RBM25: variants seen among roughly 807,000 people sequenced by gnomAD.
The protein encoded by RBM25 is RNA-binding protein 25.
RBM25 carries 19 observed loss-of-function variants against 120.7 expected under a neutral mutation model. The ratio of observed to expected loss-of-function variants is 0.16; its 90% CI spans 0.11 to 0.23. The LOEUF (loss-of-function observed/expected upper bound fraction) is 0.23, where lower values mean the gene tolerates loss of function less well. Ranked by LOEUF, RBM25 falls within the 10% of genes least tolerant of loss-of-function variation. The probability of loss-of-function intolerance (pLI) is 1.00; values close to 1 mark genes in which losing one functional copy is unlikely to be tolerated. For missense variants in RBM25, 605 were observed against 1,041.5 expected (o/e 0.58, Z 5.77); for synonymous variants, 390 against 326.7 (o/e 1.19, Z -2.09).
At chr14:73,116,232 A>G (rs1479826807) in intron 18 of RBM25, among the ~76,000 whole-genome samples, 3 of 152,194 alleles carry the variant, frequency 2.0e-5, no homozygotes, top group African/African-American at 7.2e-5. Flanking sequence ...GTTGATGTGT[A>G]GTATAAAATG....
chr14:73,097,184 CTTTTTTCTTTTCTTTTTT>C lies in RBM25; in HGVS notation c.729+91_729+108del, dbSNP rs1273635941. ...TATACTTTGATTACATGTCAGTTTT[CTTTTTTCTTTTCTTTTTT>C]TTTTTTTTTTTTTTTTGAGATGGAG... On this transcript the variant is annotated intron_variant, in intron 7 of 18. Transcript: ENST00000261973. 1.2e-3 allele frequency: 224 copies of C among 187,910 alleles called. 3 individuals are homozygous for C. The South Asian group carries it at 0.05, about 42-fold the overall frequency. 11.6% of individuals were successfully genotyped at this position (187,910 alleles called of 1,614,324 possible). A position where few individuals can be genotyped will look rare whatever the true frequency, so the allele number is the denominator to read the frequency against.
chr14:73,122,556 G>T lies in RBM25; in HGVS notation c.*2751G>T, dbSNP rs934703319. 6.6e-6 allele frequency: 1 copy of T among 152,146 alleles called. No homozygotes were observed. The highest frequency in any genetic ancestry group is 1.5e-5 in the Non-Finnish European group (1 of 68,034). The allele number at this position is 152,146 out of a possible 1,614,324, so 9.4% of individuals were successfully genotyped here. On this transcript the variant is annotated 3_prime_UTR_variant, in exon 19 of 19. Coordinates refer to ENST00000261973, the MANE Select transcript of RBM25 (RefSeq NM_021239.3). The stretch of plus-strand genomic sequence containing the variant: ...CTCCCAAAGTGCTGGTATTACAGGC[G>T]TGAGCCACCTTGCCTGGCCAAAGCG...
At position 73,120,887 on chromosome 14, in the gene RBM25, C is replaced by T. The variant is rs1259055101; in HGVS notation, c.*1082C>T. 1 of 152,158 alleles carries T rather than the reference C, an allele frequency of 6.6e-6. No individual in the cohort carries two copies. The highest frequency in any genetic ancestry group is 2.4e-5 in the African/African-American group (1 of 41,446). The allele number at this position is 152,158 out of a possible 1,614,324, so 9.4% of individuals were successfully genotyped here. A position where few individuals can be genotyped will look rare whatever the true frequency, so the allele number is the denominator to read the frequency against. Reference sequence around the variant, plus strand: ...ATGTTATTTAAGGATAAAGGTAAATCATTCAAGGCAGTTACCAACCACTAA... The same window carrying T: ...ATGTTATTTAAGGATAAAGGTAAATTATTCAAGGCAGTTACCAACCACTAA... On this transcript the variant is annotated 3_prime_UTR_variant, in exon 19 of 19. Transcript: ENST00000261973.
chr14:73,106,342 T>C, intron 12 of RBM25, 57 bp downstream of exon 12: 2 of 1,296,726 alleles, frequency 1.5e-6, no homozygotes, highest in Admixed American at 2.6e-5. Context: ...ATTGTATCTT[T>C]ACTGCTAACT....
intron 6 of RBM25, among the ~76,000 whole-genome samples, chr14:73,090,054 C>T (rs1482291720): frequency 6.6e-6 from 1 of 150,918 alleles, no homozygotes; most frequent in Non-Finnish European, 1.5e-5. Flanking sequence ...AAAAAAGTAC[C>T]CCCCCTCTTT....
Position 73,077,389 on chromosome 14 carries a change from T to A in RBM25, c.177T>A (p.Ser59=). 1 of 1,613,226 alleles carries A rather than the reference T, an allele frequency of 6.2e-7. No individual in the cohort carries two copies. Residue 59 remains serine, a synonymous_variant, in exon 4 of 19, where the codon TCT becomes TCA. Transcript: ENST00000261973. ...PAPTVLVPTV[S]MVGKHLGARK... ...CTTAGGTCTTAGTACCCACTGTGTCTATGGTTGGAAAGCATTTGGGCGCAA... is the reference window on the plus strand; with the variant it reads ...CTTAGGTCTTAGTACCCACTGTGTCAATGGTTGGAAAGCATTTGGGCGCAA...
chr14:73,088,294 G>A (rs1222512308), intron 6 of RBM25, 133 bp downstream of exon 6: 2 of 1,140,134 alleles, frequency 1.8e-6, no homozygotes, highest in East Asian at 2.4e-5. Context: ...ATGTAGGAGG[G>A]TATTTTATAG....
chr14:73,115,101 G>T (rs754939301), intron 18 of RBM25, among the ~76,000 whole-genome samples: 1 of 151,828 alleles, frequency 6.6e-6, no homozygotes, highest in African/African-American at 2.4e-5. Flanking sequence ...ACATCTGATG[G>T]CATTGATAGC....
intron 1 of RBM25, among the ~76,000 whole-genome samples, chr14:73,060,120 C>T (rs1481175978): frequency 3.9e-5 from 6 of 152,008 alleles, no homozygotes; most frequent in African/African-American, 1.4e-4. Context: ...GCCACTGCAA[C>T]CTCCGCCTCC....
intron 18 of RBM25, among the ~76,000 whole-genome samples, chr14:73,117,385 G>A (rs148093536): frequency 0.015 from 2,231 of 151,164 alleles, 45 homozygotes; most frequent in African/African-American, 0.049. Context: ...GTGCCCACCC[G>A]CACGCCTGGC....
chr14:73,114,257 T>G (rs1010412701), intron 17 of RBM25, 29 bp from the exon 18 acceptor site: 1 of 1,461,902 alleles, frequency 6.8e-7, no homozygotes, highest in African/African-American at 1.5e-5. Context: ...TTATTTATTT[T>G]TAATGTGACA....
chr14:73,113,354 G>A (rs1281811285), intron 17 of RBM25, among the ~76,000 whole-genome samples: 2 of 151,702 alleles, frequency 1.3e-5, no homozygotes, highest in African/African-American at 2.4e-5. Context: ...CCCAAAGTGC[G>A]GGGATTACAA....
chr14:73,110,104 T>G lies in RBM25; in HGVS notation c.1692+612T>G, dbSNP rs542672079. Among the ~76,000 whole-genome samples the G allele has an allele frequency of 2.0e-5, 3 of 151,762 alleles. No individual in the cohort carries two copies. In the South Asian group the frequency reaches 6.3e-4, roughly 32 times the overall value. On this transcript the variant is annotated intron_variant, in intron 14 of 18. Coordinates refer to ENST00000261973, the MANE Select transcript of RBM25 (RefSeq NM_021239.3). ...TTTACCATGTTGGCCAGGCTAGTATTAAACTCCTGACCTCAAGTGATCCGC... is the reference window on the plus strand; with the variant it reads ...TTTACCATGTTGGCCAGGCTAGTATGAAACTCCTGACCTCAAGTGATCCGC...
intron 1 of RBM25, among the ~76,000 whole-genome samples, chr14:73,066,676 G>A (rs1429460023): frequency 6.6e-6 from 1 of 151,446 alleles, no homozygotes; most frequent in African/African-American, 2.4e-5. Context: ...TGCATCCTAG[G>A]GATTCCTTTA....
intron 10 of RBM25, 70 bp from the exon 11 acceptor site, chr14:73,105,789 T>C (rs1349873900): frequency 5.1e-6 from 8 of 1,568,862 alleles, no homozygotes; most frequent in Non-Finnish European, 6.9e-6. Context: ...ATGTATGTTG[T>C]CCTCCTTTAC....
At chr14:73,090,266 G>T (rs190098382) in intron 6 of RBM25, among the ~76,000 whole-genome samples, 9 of 152,014 alleles carry the variant, frequency 5.9e-5, no homozygotes, top group African/African-American at 2.2e-4. Flanking sequence ...TTCCAGGCTG[G>T]TCTTGAGCTC....
chr14:73,078,041 G>A (rs960946161), intron 4 of RBM25, among the ~76,000 whole-genome samples: 2 of 152,164 alleles, frequency 1.3e-5, no homozygotes, highest in Non-Finnish European at 2.9e-5. Flanking sequence ...AGTGGCTCAT[G>A]CCTGTAATCC....
Position 73,080,213 on chromosome 14 carries a change from CTTTTTTTTTTTTTTTTTTTTT to C in RBM25, c.324+2685_324+2705del, listed in dbSNP as rs766461418. Among the ~76,000 whole-genome samples, 5 of 67,196 alleles carry C rather than the reference CTTTTTTTTTTTTTTTTTTTTT, an allele frequency of 7.4e-5. 1 individual carries two copies. The highest frequency in any genetic ancestry group is 4.0e-4 in the Admixed American group (2 of 5,058). 44.1% of individuals were successfully genotyped at this position (67,196 alleles called of 152,430 possible). ...TGTCCGAGTTTCTATTCTTACACAT[CTTTTTTTTTTTTTTTTTTTTT>C]TTTTTTTGAGATGGAGTCTTGCTCT... is the stretch of plus-strand genomic sequence containing the variant. On this transcript the variant is annotated intron_variant, in intron 4 of 18. Coordinates refer to ENST00000261973, the MANE Select transcript of RBM25 (RefSeq NM_021239.3).
chr14:73,121,822 T>C lies in RBM25; in HGVS notation c.*2017T>C, dbSNP rs1896545886. On this transcript the variant is annotated 3_prime_UTR_variant, in exon 19 of 19. Transcript: ENST00000261973. ...TAAAAACAAGGGAGATGTCGTAATC[T>C]GAAACCTTTGGGGAGATGTACTCTG... 6.6e-6 allele frequency: 1 copy of C among 152,240 alleles called. No individual in the cohort carries two copies. Among genetic ancestry groups the C allele is most frequent in the African/African-American group, 2.4e-5 (1 of 41,464 alleles). The allele number at this position is 152,240 out of a possible 1,614,324, so 9.4% of individuals were successfully genotyped here. A position where few individuals can be genotyped will look rare whatever the true frequency, so the allele number is the denominator to read the frequency against.
Sources: gnomAD v4.1 joint callset for allele counts (sites outside exome capture counted in the v4.1 genomes callset) on GRCh38, gnomAD v4.1.1 for gene constraint, MANE v1.5 for transcripts, NCBI Gene and HGNC (gene_info 2026-07-23, HGNC 2026-07-21) for gene names.